RALYL: variants seen among roughly 807,000 people sequenced by gnomAD.
RALYL encodes the protein RNA-binding Raly-like protein.
In RALYL, 29 loss-of-function variants were observed where a neutral mutation model predicts 35.1. That is an observed-to-expected ratio of 0.83 (90% CI 0.61 to 1.13). The LOEUF (loss-of-function observed/expected upper bound fraction) is 1.13. Among genes scored for constraint, RALYL ranks in the 50% most tolerant of loss-of-function variants. The pLI is 0.00. For synonymous variants in RALYL, 120 were observed against 127.6 expected, an observed-to-expected ratio of 0.94 and a Z score of 0.40; for missense variants, 359 against 360.4, an observed-to-expected ratio of 1.00 and a Z score of 0.03.
intron 1 of RALYL, among the ~76,000 whole-genome samples, chr8:84,502,819 T>C (rs1564047119): frequency 6.6e-6 from 1 of 151,874 alleles, no homozygotes; most frequent in Non-Finnish European, 1.5e-5. Flanking sequence ...AATGGCTTGA[T>C]AAATTTTGCT....
intron 2 of RALYL, among the ~76,000 whole-genome samples, chr8:84,570,958 C>T (rs1375121155): frequency 2.0e-5 from 3 of 151,750 alleles, no homozygotes; most frequent in African/African-American, 7.3e-5. Flanking sequence ...ATTATCTTTT[C>T]ATGTGCTTTT....
At chr8:84,837,038 G>A (rs1469877914) in intron 4 of RALYL, among the ~76,000 whole-genome samples, 2 of 152,118 alleles carry the variant, frequency 1.3e-5, no homozygotes, top group African/African-American at 4.8e-5. Context: ...CTCTTTGCAA[G>A]GTCCAGTTCA....
chr8:84,556,914 A>C (rs2061163501), intron 2 of RALYL, among the ~76,000 whole-genome samples: 1 of 152,188 alleles, frequency 6.6e-6, no homozygotes, highest in African/African-American at 2.4e-5. Context: ...ATATTATTTG[A>C]ATGGGAAATA....
At chr8:84,635,877 C>A (rs1824957749) in intron 2 of RALYL, among the ~76,000 whole-genome samples, 1 of 151,696 alleles carries the variant, frequency 6.6e-6, no homozygotes, top group Admixed American at 6.6e-5. Flanking sequence ...TAACTTCATG[C>A]TTTATAACAC....
intron 4 of RALYL, among the ~76,000 whole-genome samples, chr8:84,849,561 G>GTT (rs780565835): frequency 1.4e-3 from 198 of 141,790 alleles, no homozygotes; most frequent in African/African-American, 3.9e-3. Context: ...TTTTGTTTTT[G>GTT]TTTTTTTTTT....
At chr8:84,479,431 G>T (rs2053827357) in intron 1 of RALYL, among the ~76,000 whole-genome samples, 1 of 152,124 alleles carries the variant, frequency 6.6e-6, no homozygotes, top group African/African-American at 2.4e-5. Flanking sequence ...AAATGGCACA[G>T]ATTTGTTTTC....
At chr8:84,344,682 C>T (rs1849481631) in intron 1 of RALYL, among the ~76,000 whole-genome samples, 1 of 151,948 alleles carries the variant, frequency 6.6e-6, no homozygotes, top group Admixed American at 6.6e-5. Flanking sequence ...TGCAACTTTC[C>T]ACCCTTTGAT....
intron 4 of RALYL, among the ~76,000 whole-genome samples, chr8:84,835,683 CA>C (rs5892932): frequency 0.37 from 26,760 of 72,686 alleles, 2,304 homozygotes; most frequent in East Asian, 0.54. Context: ...AACTCCGTCT[CA>C]AAAAAAAAAA....
chr8:84,701,342 G>A (rs892955068), intron 2 of RALYL, among the ~76,000 whole-genome samples: 8 of 152,160 alleles, frequency 5.3e-5, no homozygotes, highest in South Asian at 2.1e-4. Flanking sequence ...GTCTCTATCG[G>A]ACATCTGTAA....
At chr8:84,474,279 C>A (rs534668281) in intron 1 of RALYL, among the ~76,000 whole-genome samples, 1 of 152,124 alleles carries the variant, frequency 6.6e-6, no homozygotes, top group Non-Finnish European at 1.5e-5. Flanking sequence ...ATGCTTTCCA[C>A]TTGATTAGTT....
chr8:84,451,445 A>G (rs2049461897), intron 1 of RALYL, among the ~76,000 whole-genome samples: 1 of 151,968 alleles, frequency 6.6e-6, no homozygotes, highest in Non-Finnish European at 1.5e-5. Flanking sequence ...TTAAATTCAC[A>G]TGACAATTTC....
chr8:84,214,754 A>G (rs923542720), intron 1 of RALYL, among the ~76,000 whole-genome samples: 1 of 152,118 alleles, frequency 6.6e-6, no homozygotes, highest in African/African-American at 2.4e-5. Context: ...TTGTTGGGAG[A>G]CAGAAAATAG....
intron 1 of RALYL, among the ~76,000 whole-genome samples, chr8:84,285,561 G>A (rs949897309): frequency 6.6e-6 from 1 of 152,030 alleles, no homozygotes; most frequent in African/African-American, 2.4e-5. Flanking sequence ...ATGGTGGAGC[G>A]GGGGCATTAT....
At chr8:84,616,665 C>A (rs1266431935) in intron 2 of RALYL, among the ~76,000 whole-genome samples, 1 of 151,018 alleles carries the variant, frequency 6.6e-6, no homozygotes, top group Admixed American at 6.6e-5. Context: ...GAAGTCCTTG[C>A]CATGCCTATG....
intron 4 of RALYL, among the ~76,000 whole-genome samples, chr8:84,811,930 A>T (rs575226777): frequency 3.9e-5 from 6 of 151,984 alleles, no homozygotes; most frequent in Admixed American, 3.9e-4. Context: ...ACTTCCTTGC[A>T]TTGGGCTTTG....
chr8:84,250,785 T>C (rs7812555), intron 1 of RALYL, among the ~76,000 whole-genome samples: 3,885 of 152,224 alleles, frequency 0.026, 172 homozygotes, highest in African/African-American at 0.088. Flanking sequence ...TTACTAAAGA[T>C]TTATCTGCAA....
chr8:84,518,137 G>A (rs897929401), intron 1 of RALYL, among the ~76,000 whole-genome samples: 6 of 152,148 alleles, frequency 3.9e-5, no homozygotes, highest in African/African-American at 1.2e-4. Context: ...CAAATGTCTA[G>A]TGAACTAAGA....
intron 6 of RALYL, among the ~76,000 whole-genome samples, chr8:84,871,571 G>A (rs956893938): frequency 6.6e-6 from 1 of 152,140 alleles, no homozygotes; most frequent in Non-Finnish European, 1.5e-5. Context: ...TGTGACAGAT[G>A]ATGTTTTTCA....
chr8:84,727,407 C>CA (rs1465248227), intron 2 of RALYL, among the ~76,000 whole-genome samples: 1 of 152,068 alleles, frequency 6.6e-6, no homozygotes, highest in East Asian at 1.9e-4. Flanking sequence ...AACAAAACAA[C>CA]AAAAATCTTT....
Sources: allele counts gnomAD v4.1 joint callset (sites outside exome capture counted in the v4.1 genomes callset), GRCh38; gene constraint gnomAD v4.1.1; transcripts MANE v1.5; gene names NCBI Gene and HGNC (gene_info 2026-07-23, HGNC 2026-07-21).